Variants in MLLT3 observed in about 807,000 individuals in gnomAD.
The protein encoded by MLLT3 is MLLT3 super elongation complex subunit.
In MLLT3, 4 loss-of-function variants were observed where a neutral mutation model predicts 53.2. The ratio of observed to expected loss-of-function variants is 0.08; its 90% CI spans 0.04 to 0.17. The LOEUF (loss-of-function observed/expected upper bound fraction) is 0.17, where lower values mean the gene tolerates loss of function less well. MLLT3 is among the 10% of genes least tolerant of loss of function. The pLI is 1.00. For synonymous variants in MLLT3, 283 were observed against 230.6 expected (o/e 1.23, Z -2.06); for missense variants, 569 against 684.0 (o/e 0.83, Z 1.87).
At chr9:20,619,662 T>C (rs937929012) in intron 2 of MLLT3, among the ~76,000 whole-genome samples, 3 of 152,246 alleles carry the variant, frequency 2.0e-5, no homozygotes, top group Admixed American at 6.5e-5. Flanking sequence ...TTACCTTCAC[T>C]AATCCAACTA....
chr9:20,397,190 T>C (rs980143374), intron 5 of MLLT3, among the ~76,000 whole-genome samples: 2 of 152,188 alleles, frequency 1.3e-5, no homozygotes, highest in Admixed American at 6.6e-5. Flanking sequence ...TGGTGTTTTA[T>C]ACCTTATTTG....
At chr9:20,603,291 G>GA (rs1820481206) in intron 2 of MLLT3, among the ~76,000 whole-genome samples, 1 of 151,952 alleles carries the variant, frequency 6.6e-6, no homozygotes, top group Non-Finnish European at 1.5e-5. Flanking sequence ...TTTATAACCA[G>GA]AAAACTTAGA....
chr9:20,567,519 G>T lies in MLLT3; in HGVS notation c.193+53135C>A, dbSNP rs77315183. 9.5e-3 allele frequency among the ~76,000 whole-genome samples: 1,447 copies of T among 152,118 alleles called. 51 individuals are homozygous for T. The East Asian group carries it at 0.12, about 13-fold the overall frequency. ...CAAACTCTGTTTTAGTAAATCTTCA[G>T]ATTTGAACATTGAAATTTCATTTAA... On this transcript the variant is annotated intron_variant, in intron 2 of 10. Coordinates refer to ENST00000380338, the MANE Select transcript of MLLT3 (RefSeq NM_004529.4).
chr9:20,396,612 G>A (rs1284991381), intron 5 of MLLT3, among the ~76,000 whole-genome samples: 1 of 152,038 alleles, frequency 6.6e-6, no homozygotes, highest in East Asian at 1.9e-4. Context: ...AAAGTGCTAT[G>A]GTTCCAAGCA....
rs1822821750 is a variant in MLLT3 at position 20,414,399 on chromosome 9, G to A, written c.447C>T (p.Ser149=). ...TGCTACTGCTGCTGCTGCTGCTGCT[G>A]CTGGTATGAATACTCCTATTAGGGT... ...GGDPNRSIHT[S]SSSSSSSSSS... is the part of the protein sequence containing the mutation. The change falls in exon 5 of 11, where the codon AGC becomes AGT. Residue 149 remains serine (S), a synonymous_variant. Coordinates refer to ENST00000380338, the MANE Select transcript of MLLT3 (RefSeq NM_004529.4). 2 of 1,608,474 alleles carry A rather than the reference G, an allele frequency of 1.2e-6. No individual in the cohort carries two copies. The highest frequency in any genetic ancestry group is 2.2e-5 in the East Asian group (1 of 44,878).
chr9:20,355,986 C>T (rs1158593873), intron 8 of MLLT3, among the ~76,000 whole-genome samples: 2 of 152,130 alleles, frequency 1.3e-5, no homozygotes, highest in Non-Finnish European at 2.9e-5. Context: ...GCTCAGAAGC[C>T]CAAGTTCAAG....
intron 2 of MLLT3, among the ~76,000 whole-genome samples, chr9:20,498,932 T>C (rs1411726): frequency 0.23 from 34,987 of 152,138 alleles, 4,184 homozygotes; most frequent in East Asian, 0.33. Context: ...ATACCACAAA[T>C]AGGGTGGCTT....
chr9:20,554,806 T>A (rs950310027), intron 2 of MLLT3, among the ~76,000 whole-genome samples: 1 of 152,188 alleles, frequency 6.6e-6, no homozygotes, highest in Admixed American at 6.5e-5. Flanking sequence ...TTCTTGACCA[T>A]TTGCTCTTGT....
chr9:20,425,813 A>T (rs1033619029), intron 4 of MLLT3, among the ~76,000 whole-genome samples: 1 of 152,052 alleles, frequency 6.6e-6, no homozygotes, highest in Non-Finnish European at 1.5e-5. Context: ...AGAAAAGAAT[A>T]AGTAGTAAAT....
chr9:20,502,638 A>G (rs974253944), intron 2 of MLLT3, among the ~76,000 whole-genome samples: 2 of 152,238 alleles, frequency 1.3e-5, no homozygotes, highest in African/African-American at 4.8e-5. Context: ...TAAGTAATCT[A>G]GAGATAATGT....
chr9:20,376,925 G>A (rs753753941), intron 5 of MLLT3, among the ~76,000 whole-genome samples: 2 of 152,158 alleles, frequency 1.3e-5, no homozygotes, highest in African/African-American at 2.4e-5. Context: ...TATAAACACA[G>A]TACTATTTTT....
chr9:20,571,150 A>T (rs1819522788), intron 2 of MLLT3, among the ~76,000 whole-genome samples: 1 of 152,220 alleles, frequency 6.6e-6, no homozygotes, highest in South Asian at 2.1e-4. Flanking sequence ...TGGGAAACAA[A>T]GATTTATTTT....
At chr9:20,608,443 A>G (rs1029214436) in intron 2 of MLLT3, among the ~76,000 whole-genome samples, 3 of 151,970 alleles carry the variant, frequency 2.0e-5, no homozygotes, top group African/African-American at 4.8e-5. Flanking sequence ...TATATTACAC[A>G]TGGGTATCTT....
chr9:20,436,296 C>CTA (rs752491994), intron 4 of MLLT3, among the ~76,000 whole-genome samples: 1 of 152,136 alleles, frequency 6.6e-6, no homozygotes, highest in Non-Finnish European at 1.5e-5. Context: ...CAAACTTAAC[C>CTA]AATCCCCACA....
In MLLT3 at chr9:20,448,145, C is replaced by T; in HGVS notation, c.398G>A (p.Arg133Lys). The T allele has an allele frequency of 6.2e-7, 1 of 1,613,064 alleles. No homozygotes were observed. Among genetic ancestry groups the T allele is most frequent in the Non-Finnish European group, 8.5e-7 (1 of 1,179,532 alleles). The change falls in exon 4 of 11, where the codon AGA (arginine) becomes AAA (lysine). Residue 133 changes from arginine to lysine, a missense_variant. Arg to Lys is a conservative substitution (Grantham distance 26). Transcript: ENST00000380338. The surrounding 1 kb of genome is among the most constrained non-coding windows in gnomAD (Gnocchi z 4.0). ...TACCCCTCCTGCCTTCAGCAACTTTCTCCTAAAGTCCTCTGTGGGGTTGTT... is the reference window on the plus strand; with the variant it reads ...TACCCCTCCTGCCTTCAGCAACTTTTTCCTAAAGTCCTCTGTGGGGTTGTT... ...TFNNPTEDFR[R>K]KLLKAGGDPN...
intron 2 of MLLT3, among the ~76,000 whole-genome samples, chr9:20,494,293 A>G (rs1284949343): frequency 6.6e-6 from 1 of 152,098 alleles, no homozygotes; most frequent in African/African-American, 2.4e-5. Context: ...CGAGAGACAT[A>G]GCCATTTGGC....
In MLLT3 at chr9:20,477,162, T is replaced by C. The variant is rs1824541563; in HGVS notation, c.194-20376A>G. Among the ~76,000 whole-genome samples the C allele has an allele frequency of 2.0e-5, 3 of 152,132 alleles. No individual in the cohort carries two copies. In the South Asian group the frequency reaches 6.2e-4, roughly 31 times the overall value. On this transcript the variant is annotated intron_variant, in intron 2 of 10. Coordinates refer to ENST00000380338, the MANE Select transcript of MLLT3 (RefSeq NM_004529.4). ...TCTTGGACTTAGACCCTATTTGTTT[T>C]GGAACCATGGGTTCCTTTCTTATTA...
At chr9:20,542,240 T>A (rs1377644973) in intron 2 of MLLT3, among the ~76,000 whole-genome samples, 5 of 39,448 alleles carry the variant, frequency 1.3e-4, no homozygotes, top group African/African-American at 2.8e-4. Flanking sequence ...GCAGTAATAT[T>A]TTTTTTTTTT....
chr9:20,573,189 T>TG (rs1819576003), intron 2 of MLLT3, among the ~76,000 whole-genome samples: 2 of 10,426 alleles, frequency 1.9e-4, no homozygotes, highest in Admixed American at 5.8e-4. Context: ...TTTTGTTTTG[T>TG]TTTTTTTTTT....
Sources: gnomAD v4.1 joint callset for allele counts (sites outside exome capture counted in the v4.1 genomes callset) on GRCh38, gnomAD v4.1.1 for gene constraint, Gnocchi (gnomAD v3.1) non-coding constraint, MANE v1.5 for transcripts, NCBI Gene and HGNC (gene_info 2026-07-23, HGNC 2026-07-21) for gene names.